The following BRD1 variants were observed in gnomAD, a reference collection of about 807,000 sequenced individuals.
BRD1 encodes bromodomain-containing protein 1.
In BRD1, 24 loss-of-function variants were observed where a neutral mutation model predicts 107.7. The observed-to-expected ratio is 0.22, with a 90% CI of 0.16 to 0.31. BRD1 has a LOEUF of 0.31. Ranked by LOEUF, BRD1 falls within the 10% of genes least tolerant of loss-of-function variation. BRD1 has a pLI of 1.00. For synonymous variants in BRD1, 744 were observed against 686.1 expected (o/e 1.08, Z -1.32); for missense variants, 1,279 against 1,638.6 (o/e 0.78, Z 3.79).
chr22:49,812,104 CTT>C (rs374572699), intron 2 of BRD1, among the ~76,000 whole-genome samples: 159 of 123,474 alleles, frequency 1.3e-3, no homozygotes, highest in African/African-American at 4.9e-3. Context: ...CAGTCTGCTC[CTT>C]TTTTTTTTTT....
At chr22:49,777,656 A>C in intron 9 of BRD1, 22 bp downstream of exon 9, 1 of 1,597,568 alleles carries the variant, frequency 6.3e-7, no homozygotes, top group Non-Finnish European at 8.5e-7. Context: ...CGTGGTGGGA[A>C]GCGCAGGGCC....
rs772789173 is a variant in BRD1, at chr22:49,798,732, G to A, written c.1657-46C>T. ...CTCAGCTTTAGGGAGCCGCACATGC[G>A]TCTCAGCCCCACCACGCGCCCCACA... On this transcript the variant is annotated intron_variant, in intron 4 of 12. Coordinates refer to ENST00000404760, the MANE Select transcript of BRD1 (RefSeq NM_001304808.3). 6.5e-5 allele frequency: 99 copies of A among 1,516,704 alleles called. 1 individual carries two copies. The highest frequency in any genetic ancestry group is 5.8e-4 in the South Asian group (46 of 79,756). 94.0% of individuals were successfully genotyped at this position (1,516,704 alleles called of 1,614,324 possible). A position where few individuals can be genotyped will look rare whatever the true frequency, so the allele number is the denominator to read the frequency against.
At chr22:49,820,000 G>T (rs1252883842) in intron 2 of BRD1, among the ~76,000 whole-genome samples, 2 of 151,752 alleles carry the variant, frequency 1.3e-5, no homozygotes, top group Admixed American at 6.6e-5. Flanking sequence ...TGTGGTGGCA[G>T]GTGCCTGTAA....
intron 2 of BRD1, among the ~76,000 whole-genome samples, chr22:49,805,037 A>C (rs899219429): frequency 6.6e-6 from 1 of 152,168 alleles, no homozygotes; most frequent in Non-Finnish European, 1.5e-5. Flanking sequence ...AACCTTAGAC[A>C]CTGTCCACTC....
Position 49,824,180 on chromosome 22 carries a change from C to A in BRD1, c.138G>T (p.Gly46=), listed in dbSNP as rs141032696. Residue 46 remains glycine, a synonymous_variant, in exon 2 of 13, where the codon GGG becomes GGT. Coordinates refer to ENST00000404760, the MANE Select transcript of BRD1 (RefSeq NM_001304808.3). The surrounding 1 kb of genome is among the most constrained non-coding windows in gnomAD (Gnocchi z 5.9). ...AQRMVEIEIE[G]RLHRISIFDP... is the part of the protein sequence containing the mutation. ...CAAAAATACTGATCCTGTGCAAGCG[C>A]CCTTCAATTTCTATCTCTACCATCC... 2.2e-5 allele frequency: 36 copies of A among 1,613,946 alleles called. No individual in the cohort carries two copies. In the African/African-American group the frequency reaches 4.3e-4, roughly 19 times the overall value.
chr22:49,774,100 ACCTCCCC>A lies in BRD1; in HGVS notation c.*126_*132del. 1 of 1,283,300 alleles carries A rather than the reference ACCTCCCC, an allele frequency of 7.8e-7. No individual in the cohort carries two copies. The highest frequency in any genetic ancestry group is 1.0e-6 in the Non-Finnish European group (1 of 958,566). 79.5% of individuals were successfully genotyped at this position (1,283,300 alleles called of 1,614,324 possible). On this transcript the variant is annotated 3_prime_UTR_variant, in exon 13 of 13. Coordinates refer to ENST00000404760, the MANE Select transcript of BRD1 (RefSeq NM_001304808.3). ...GGTTCCTAGAAAACTTGGAAATAAAACCTCCCCCCTCCCCGGGGAAAAAGAATTAAAG... is the reference window on the plus strand; with the variant it reads ...GGTTCCTAGAAAACTTGGAAATAAAACCTCCCCGGGGAAAAAGAATTAAAG...
At chr22:49,790,213 G>C (rs1377087515) in intron 7 of BRD1, among the ~76,000 whole-genome samples, 2 of 152,174 alleles carry the variant, frequency 1.3e-5, no homozygotes, top group African/African-American at 4.8e-5. Context: ...GGACCGTTCA[G>C]TGCCTCAGTT....
At chr22:49,777,911 G>A (rs2059132204) in intron 8 of BRD1, 98 bp from the exon 9 acceptor site, 26 of 1,444,102 alleles carry the variant, frequency 1.8e-5, no homozygotes, top group South Asian at 9.7e-5. Context: ...TACAAAGCAC[G>A]TTTCACAGAC....
chr22:49,775,710 G>A lies in BRD1; in HGVS notation c.3267C>T (p.His1089=), dbSNP rs767571034. The change falls in exon 12 of 13, where the codon CAC becomes CAT. Residue 1089 remains histidine (H), a synonymous_variant. Transcript: ENST00000404760. ...GGGCCGGGATGGTGACGCCGTTGTG[G>A]TGGCCAGGCACACGGGGCATCTTGG... The part of the protein sequence containing the change: ...IDPKMPRVPG[H]HNGVTIPAPP... 6.2e-6 allele frequency: 10 copies of A among 1,612,730 alleles called. No homozygotes were observed. The highest frequency in any genetic ancestry group is 1.3e-5 in the African/African-American group (1 of 74,476).
chr22:49,827,501 G>C lies in BRD1; in HGVS notation c.-19C>G, dbSNP rs1216153880. 4.1e-5 allele frequency: 6 copies of C among 145,044 alleles called. No homozygotes were observed. The South Asian group carries it at 8.4e-4, about 20-fold the overall frequency. The allele number at this position is 145,044 out of a possible 1,614,324, so 9.0% of individuals were successfully genotyped here. ...GCCAGGCCCCCGCCCACTCACCTTC[G>C]GGGCGCCGCGGCCGCGGGAGCCCGG... is the stretch of plus-strand genomic sequence containing the variant. On this transcript the variant is annotated 5_prime_UTR_variant, in exon 1 of 13. Transcript: ENST00000404760.
rs780615040 is a variant in BRD1 at position 49,776,017 on chromosome 22, T to C, written c.3231+33A>G. On this transcript the variant is annotated intron_variant, in intron 11 of 12. Transcript: ENST00000404760. ...GCCCCGCAGCTGTGTGAGCCTCCTC[T>C]GGACCCGCAGGCGCCACGAGAGCCG... The C allele has an allele frequency of 7.8e-6, 11 of 1,406,996 alleles. No homozygotes were observed. The African/African-American group carries it at 2.2e-4, about 29-fold the overall frequency. 87.2% of individuals were successfully genotyped at this position (1,406,996 alleles called of 1,614,324 possible). A position where few individuals can be genotyped will look rare whatever the true frequency, so the allele number is the denominator to read the frequency against.
chr22:49,813,467 C>T (rs553071388), intron 2 of BRD1, among the ~76,000 whole-genome samples: 27 of 151,736 alleles, frequency 1.8e-4, no homozygotes, highest in Non-Finnish European at 3.7e-4. Context: ...CGTGATCCGC[C>T]CCCCTTGGCC....
intron 2 of BRD1, among the ~76,000 whole-genome samples, chr22:49,813,649 C>T (rs1037650334): frequency 8.6e-5 from 13 of 151,500 alleles, no homozygotes; most frequent in Middle Eastern, 3.2e-3. Context: ...CTGGCCAACA[C>T]GGCGAAACCC....
chr22:49,799,288 G>C (rs2059595905), intron 3 of BRD1, among the ~76,000 whole-genome samples, 169 bp from the exon 4 acceptor site: 1 of 151,890 alleles, frequency 6.6e-6, no homozygotes, highest in Non-Finnish European at 1.5e-5. Flanking sequence ...GACAGCACCG[G>C]GACAGAGGGG....
chr22:49,798,425 A>G (rs2059576651), intron 5 of BRD1, 133 bp downstream of exon 5: 3 of 1,438,854 alleles, frequency 2.1e-6, no homozygotes, highest in Non-Finnish European at 2.9e-6. Context: ...TTTAAAAACA[A>G]ATACGTTAAA....
rs1255586496 is a variant in BRD1 at position 49,794,029 on chromosome 22, C to T, written c.2359+5G>A. ...GAAAGCGGGGCAGCCCTCACCGTGG[C>T]TTACCTTCCTCGCCCGCCTCCGGCC... On this transcript the variant is annotated splice_donor_5th_base_variant and intron_variant, in intron 7 of 12. Transcript: ENST00000404760. 5 of 1,609,312 alleles carry T rather than the reference C, an allele frequency of 3.1e-6. No individual in the cohort carries two copies. The highest frequency in any genetic ancestry group is 2.2e-5 in the East Asian group (1 of 44,834).
chr22:49,781,375 C>T (rs1601612413), intron 8 of BRD1, among the ~76,000 whole-genome samples: 1 of 152,248 alleles, frequency 6.6e-6, no homozygotes, highest in African/African-American at 2.4e-5. Flanking sequence ...CGCCCCTCCC[C>T]ACAGGGAAGA....
In BRD1 at chr22:49,783,133, G is replaced by T. The variant is rs916035058; in HGVS notation, c.2857+4257C>A. Among the ~76,000 whole-genome samples the T allele has an allele frequency of 6.6e-6, 1 of 151,978 alleles. No individual in the cohort carries two copies. The highest frequency in any genetic ancestry group is 1.5e-5 in the Non-Finnish European group (1 of 67,994). On this transcript the variant is annotated intron_variant, in intron 8 of 12. Transcript: ENST00000404760. This position sits in a 1 kb window ranked among gnomAD's most constrained non-coding sequence, Gnocchi z 4.2. ...GCCTGCACGAGACCTGCTCTTGCTG[G>T]GACCCAGCTCCATGACAATGCAGCT...
rs2060118019 is a variant in BRD1, at chr22:49,824,029, C to A, written c.289G>T (p.Val97Phe). ...LRTKRHKNNR[V>F]KKKNEALPSA... ...GGGAGGGCCTCGTTTTTCTTTTTGA[C>A]TCTGTTGTTTTTGTGACGCTTAGTT... Residue 97 changes from valine (V) to phenylalanine (F), a missense_variant, in exon 2 of 13, where the codon GTC (valine) becomes TTC (phenylalanine). By Grantham distance (50) the Val-to-Phe change is conservative. This residue lies in a region of BRD1 where 223 missense variants were observed against 263.5 expected (regional missense o/e 0.85). Coordinates refer to ENST00000404760, the MANE Select transcript of BRD1 (RefSeq NM_001304808.3). The surrounding 1 kb of genome is among the most constrained non-coding windows in gnomAD (Gnocchi z 5.9). 6.2e-7 allele frequency: 1 copy of A among 1,613,792 alleles called. No homozygotes were observed. Among genetic ancestry groups the A allele is most frequent in the Non-Finnish European group, 8.5e-7 (1 of 1,180,054 alleles).
Sources: allele counts gnomAD v4.1 joint callset (sites outside exome capture counted in the v4.1 genomes callset), GRCh38; gene constraint gnomAD v4.1.1; regional missense constraint gnomAD v4.1.1; non-coding constraint Gnocchi (gnomAD v3.1); transcripts MANE v1.5; gene names NCBI Gene and HGNC (gene_info 2026-07-23, HGNC 2026-07-21).